The following EP300 variants were observed in gnomAD, a reference collection of about 807,000 sequenced individuals.
The protein encoded by EP300 is EP300 lysine acetyltransferase, also known as histone acetyltransferase p300.
In EP300, 31 loss-of-function variants were observed where a neutral mutation model predicts 264.0. The observed-to-expected ratio is 0.12, with a 90% CI of 0.09 to 0.16. The LOEUF (loss-of-function observed/expected upper bound fraction) is 0.16, where lower values mean the gene tolerates loss of function less well. EP300 is among the 10% of genes least tolerant of loss of function. The pLI is 1.00. For missense variants in EP300, 2,766 were observed against 3,052.9 expected, an observed-to-expected ratio of 0.91 and a Z score of 2.21; for synonymous variants, 1,340 against 1,045.4, an observed-to-expected ratio of 1.28 and a Z score of -5.44.
intron 6 of EP300, among the ~76,000 whole-genome samples, chr22:41,134,042 A>G (rs181038670): frequency 7.2e-5 from 11 of 152,154 alleles, no homozygotes; most frequent in African/African-American, 2.4e-4. Context: ...TGGCATGACT[A>G]TTTTAGACAG....
chr22:41,163,434 CAAA>C (rs763502729), intron 21 of EP300, among the ~76,000 whole-genome samples: 1 of 44,996 alleles, frequency 2.2e-5, no homozygotes, highest in Non-Finnish European at 4.5e-5. Context: ...GACTCCGTCT[CAAA>C]AAAAAAAAAA....
At chr22:41,095,101 A>C (rs747346813) in intron 1 of EP300, among the ~76,000 whole-genome samples, 7 of 152,112 alleles carry the variant, frequency 4.6e-5, no homozygotes, top group Non-Finnish European at 1.0e-4. Flanking sequence ...CCCCAAATCA[A>C]GATTCTACTC....
intron 1 of EP300, 66 bp downstream of exon 1, chr22:41,093,164 C>A: frequency 6.6e-7 from 1 of 1,506,206 alleles, no homozygotes; most frequent in South Asian, 1.1e-5. Context: ...CGCCTTTATT[C>A]TTCCATTTTT....
rs762863801 is a variant in EP300 at position 41,176,782 on chromosome 22, T to C, written c.5071T>C (p.Leu1691=). The change falls in exon 31 of 31, where the codon TTG becomes CTG. Residue 1691 remains leucine (L), a synonymous_variant. Transcript: ENST00000263253. The part of the protein sequence containing the change: ...WHCTVCEDYD[L]CITCYNTKNH... ...CCTGTTTTTTCCCTAGGATTATGAC[T>C]TGTGTATCACCTGCTATAACACTAA... 13 of 1,614,080 alleles carry C rather than the reference T, an allele frequency of 8.1e-6. No homozygotes were observed. Among genetic ancestry groups the C allele is most frequent in the Middle Eastern group, 1.6e-4 (1 of 6,062 alleles).
At chr22:41,119,181 T>TATTATTATTA (rs377580765) in intron 2 of EP300, among the ~76,000 whole-genome samples, 17 of 117,354 alleles carry the variant, frequency 1.4e-4, no homozygotes, top group African/African-American at 3.3e-4. Context: ...TATTATTTTT[T>TATTATTATTA]TTTTTTTTTT....
chr22:41,137,930 G>T lies in EP300; in HGVS notation c.1760+140G>T. 3.4e-6 allele frequency: 4 copies of T among 1,187,482 alleles called. No homozygotes were observed. The South Asian group carries it at 3.9e-5, about 12-fold the overall frequency. 73.6% of individuals were successfully genotyped at this position (1,187,482 alleles called of 1,614,324 possible). A position where few individuals can be genotyped will look rare whatever the true frequency, so the allele number is the denominator to read the frequency against. On this transcript the variant is annotated intron_variant, in intron 8 of 30. Transcript: ENST00000263253. The stretch of plus-strand genomic sequence containing the variant: ...GGTTGATGTTGATACTTCTACTCTT[G>T]TGGATTTCTTGCTGCTGCTGCTTTT...
chr22:41,144,754 A>G (rs1327154608), intron 10 of EP300, among the ~76,000 whole-genome samples: 5 of 152,198 alleles, frequency 3.3e-5, no homozygotes, highest in Admixed American at 1.3e-4. Context: ...GAGCAATAAT[A>G]GATACATTCG....
At chr22:41,144,264 C>T (rs2058998632) in intron 10 of EP300, among the ~76,000 whole-genome samples, 1 of 152,112 alleles carries the variant, frequency 6.6e-6, no homozygotes, top group Non-Finnish European at 1.5e-5. Flanking sequence ...GATTATTTGA[C>T]TTAATGCATA....
chr22:41,174,928 T>C (rs2145773518), intron 29 of EP300: 1 of 152,054 alleles, frequency 6.6e-6, no homozygotes, highest in South Asian at 2.1e-4. Flanking sequence ...AAGTATCTTT[T>C]CCCCCACTGC....
At chr22:41,141,663 C>T (rs1276198666) in intron 10 of EP300, among the ~76,000 whole-genome samples, 4 of 132,570 alleles carry the variant, frequency 3.0e-5, no homozygotes, top group Non-Finnish European at 7.0e-5. Context: ...AGTCTAGGAA[C>T]TCTTTTTTTT....
At chr22:41,100,925 C>G (rs1042629259) in intron 1 of EP300, among the ~76,000 whole-genome samples, 1 of 151,934 alleles carries the variant, frequency 6.6e-6, no homozygotes, top group Non-Finnish European at 1.5e-5. Context: ...TACAAGACAT[C>G]TTATATATCC....
chr22:41,133,455 A>G (rs780733646), intron 6 of EP300, among the ~76,000 whole-genome samples: 3 of 152,052 alleles, frequency 2.0e-5, no homozygotes, highest in Non-Finnish European at 4.4e-5. Context: ...CTGACCCTCT[A>G]AGATTATTTT....
At chr22:41,128,202 C>T (rs1015389648) in intron 4 of EP300, among the ~76,000 whole-genome samples, 4 of 152,134 alleles carry the variant, frequency 2.6e-5, no homozygotes, top group African/African-American at 9.7e-5. Flanking sequence ...TGCCTGTCAT[C>T]CCAGCACTTT....
chr22:41,162,212 C>G (rs1002095406), intron 20 of EP300, among the ~76,000 whole-genome samples: 2 of 152,190 alleles, frequency 1.3e-5, no homozygotes, highest in Admixed American at 6.5e-5. Flanking sequence ...GAATGAATCT[C>G]TAGGCCATAA....
intron 1 of EP300, among the ~76,000 whole-genome samples, chr22:41,093,978 C>T (rs556525927): frequency 1.2e-4 from 18 of 152,250 alleles, no homozygotes; most frequent in African/African-American, 3.1e-4. Context: ...GTGTCTTTGT[C>T]TTTTTACACT....
intron 2 of EP300, among the ~76,000 whole-genome samples, chr22:41,122,253 C>G (rs1423020303): frequency 6.8e-6 from 1 of 148,048 alleles, no homozygotes; most frequent in African/African-American, 2.5e-5. Context: ...GCAACCTCTG[C>G]CTCCCAGGTT....
intron 1 of EP300, among the ~76,000 whole-genome samples, chr22:41,112,479 G>A (rs1008139592): frequency 6.6e-6 from 1 of 152,206 alleles, no homozygotes; most frequent in Non-Finnish European, 1.5e-5. Context: ...GATTACAGGC[G>A]TGAGCCACTG....
At chr22:41,119,274 C>T (rs2058839510) in intron 2 of EP300, among the ~76,000 whole-genome samples, 1 of 147,732 alleles carries the variant, frequency 6.8e-6, no homozygotes, top group Non-Finnish European at 1.5e-5. Context: ...CCTCTTGTCT[C>T]AGCCTCCCAA....
At chr22:41,138,207 A>G (rs564745271) in intron 8 of EP300, among the ~76,000 whole-genome samples, 1 of 152,272 alleles carries the variant, frequency 6.6e-6, no homozygotes, top group East Asian at 1.9e-4. Flanking sequence ...TCTGTTGCCC[A>G]GGCTGGAGTG....
Sources: gnomAD v4.1 joint callset for allele counts (sites outside exome capture counted in the v4.1 genomes callset) on GRCh38, gnomAD v4.1.1 for gene constraint, MANE v1.5 for transcripts, NCBI Gene and HGNC (gene_info 2026-07-23, HGNC 2026-07-21) for gene names.